The following FMN1 variants were observed in gnomAD, a reference collection of about 807,000 sequenced individuals.
FMN1 encodes the protein formin-1.
FMN1 carries 110 observed loss-of-function variants against 132.4 expected under a neutral mutation model. The observed-to-expected ratio is 0.83, with a 90% CI of 0.71 to 0.97. The LOEUF (loss-of-function observed/expected upper bound fraction) is 0.97. Ranked by LOEUF, FMN1 falls within the 50% of genes least tolerant of loss-of-function variation. The pLI, the probability that FMN1 is intolerant of heterozygous loss-of-function variation, is 0.00. For missense variants in FMN1, 1,792 were observed against 1,705.3 expected (o/e 1.05, Z -0.90); for synonymous variants, 722 against 651.7 (o/e 1.11, Z -1.64).
At chr15:33,128,594 C>A (rs12439352) in intron 4 of FMN1, among the ~76,000 whole-genome samples, 45,943 of 152,204 alleles carry the variant, frequency 0.3, 8,529 homozygotes, top group South Asian at 0.4. Flanking sequence ...GGTCTAACTT[C>A]ACAAACATAC....
chr15:33,077,512 C>G (rs1012330740), intron 5 of FMN1, among the ~76,000 whole-genome samples: 1 of 151,842 alleles, frequency 6.6e-6, no homozygotes, highest in Admixed American at 6.6e-5. Context: ...TATCCCTCCC[C>G]CTTCCCCTGA....
At chr15:32,780,345 C>G (rs1326706878) in intron 19 of FMN1, among the ~76,000 whole-genome samples, 1 of 152,154 alleles carries the variant, frequency 6.6e-6, no homozygotes, top group East Asian at 1.9e-4. Context: ...TCTCCAAAAC[C>G]AAGATGGCCA....
At chr15:33,075,422 A>C (rs1408405166) in intron 5 of FMN1, among the ~76,000 whole-genome samples, 2 of 152,180 alleles carry the variant, frequency 1.3e-5, no homozygotes, top group Non-Finnish European at 2.9e-5. Context: ...ACTACATACA[A>C]CACACCTCCG....
At chr15:33,013,603 A>G (rs112198677) in intron 6 of FMN1, among the ~76,000 whole-genome samples, 2,152 of 152,326 alleles carry the variant, frequency 0.014, 57 homozygotes, top group African/African-American at 0.049. Flanking sequence ...AAATGAAAGA[A>G]AAAATACTTC....
intron 6 of FMN1, among the ~76,000 whole-genome samples, chr15:33,061,271 A>G (rs751610556): frequency 1.3e-5 from 2 of 152,212 alleles, no homozygotes; most frequent in Non-Finnish European, 2.9e-5. Flanking sequence ...GGAGAAAATC[A>G]CCTGCAATAA....
intron 9 of FMN1, among the ~76,000 whole-genome samples, chr15:32,950,054 CATATATATATATAT>C (rs1226548479): frequency 2.0e-4 from 1 of 4,914 alleles, no homozygotes; most frequent in African/African-American, 4.2e-4. Flanking sequence ...TATATATACA[CATATATATATATAT>C]ATATATATAT....
At chr15:33,169,507 T>C (rs750377113) in intron 3 of FMN1, among the ~76,000 whole-genome samples, 65 of 152,164 alleles carry the variant, frequency 4.3e-4, no homozygotes, top group Non-Finnish European at 7.5e-4. Context: ...AGATTCCTAA[T>C]GGGAAGAAGG....
At chr15:32,945,969 CACTCT>C (rs1447183466) in intron 9 of FMN1, among the ~76,000 whole-genome samples, 14 of 151,984 alleles carry the variant, frequency 9.2e-5, no homozygotes, top group African/African-American at 3.4e-4. Context: ...CAAGTCACTC[CACTCT>C]GTTAATTTTC....
At chr15:33,100,929 TTCAC>T (rs2039269380) in intron 4 of FMN1, among the ~76,000 whole-genome samples, 1 of 152,196 alleles carries the variant, frequency 6.6e-6, no homozygotes, top group South Asian at 2.1e-4. Context: ...TAAGAAAATG[TTCAC>T]AATATGACAT....
intron 7 of FMN1, among the ~76,000 whole-genome samples, chr15:32,985,635 C>T (rs2033016704): frequency 6.6e-6 from 1 of 152,154 alleles, no homozygotes; most frequent in African/African-American, 2.4e-5. Context: ...AATTATTCCT[C>T]AGCCAGGTCA....
At chr15:33,128,784 T>C (rs1056860776) in intron 4 of FMN1, among the ~76,000 whole-genome samples, 21 of 152,202 alleles carry the variant, frequency 1.4e-4, no homozygotes, top group Admixed American at 5.9e-4. Context: ...ACCCAAACGG[T>C]GAGCAGCAGC....
rs370302529 is a variant in FMN1, at chr15:33,157,746, C to T, written c.-131-2701G>A. 7.2e-5 allele frequency among the ~76,000 whole-genome samples: 11 copies of T among 152,176 alleles called. No individual in the cohort carries two copies. In the South Asian group the frequency reaches 1.0e-3, roughly 14 times the overall value. On this transcript the variant is annotated intron_variant, in intron 3 of 20. Coordinates refer to ENST00000616417, the MANE Select transcript of FMN1 (RefSeq NM_001277313.2). ...GCAGCTCACCCCTGTAATCCCAGCACGTTGGGAGGCCAAGGCGGGAGGTTG... is the reference window on the plus strand; with the variant it reads ...GCAGCTCACCCCTGTAATCCCAGCATGTTGGGAGGCCAAGGCGGGAGGTTG...
chr15:32,925,174 C>T (rs1017646358), intron 10 of FMN1, among the ~76,000 whole-genome samples: 9 of 152,082 alleles, frequency 5.9e-5, no homozygotes, highest in Non-Finnish European at 7.4e-5. Context: ...GAAACAATGA[C>T]GTAACCAAAT....
At chr15:32,980,765 A>G (rs2032587911) in intron 7 of FMN1, among the ~76,000 whole-genome samples, 1 of 152,084 alleles carries the variant, frequency 6.6e-6, no homozygotes, top group African/African-American at 2.4e-5. Context: ...ACTCATGCAT[A>G]TACACTTTGG....
chr15:32,895,490 G>T (rs1264801695), intron 15 of FMN1, among the ~76,000 whole-genome samples: 1 of 152,084 alleles, frequency 6.6e-6, no homozygotes, highest in Non-Finnish European at 1.5e-5. Context: ...ATCTTTATGT[G>T]AATTTTTTAA....
chr15:33,110,456 G>T (rs1322812540), intron 4 of FMN1, among the ~76,000 whole-genome samples: 2 of 151,430 alleles, frequency 1.3e-5, no homozygotes, highest in Non-Finnish European at 2.9e-5. Flanking sequence ...GGTGATAATG[G>T]AAGGTTTTTT....
intron 6 of FMN1, among the ~76,000 whole-genome samples, chr15:33,011,037 A>C (rs2034690491): frequency 6.6e-6 from 1 of 152,182 alleles, no homozygotes; most frequent in Non-Finnish European, 1.5e-5. Flanking sequence ...GAATATAAGG[A>C]GCCCATTCTA....
chr15:33,128,699 C>T (rs1411420350), intron 4 of FMN1, among the ~76,000 whole-genome samples: 3 of 152,302 alleles, frequency 2.0e-5, no homozygotes, highest in East Asian at 1.9e-4. Context: ...CGAATAAACC[C>T]GCGGACCCTC....
chr15:33,110,228 A>G (rs184204477), intron 4 of FMN1, among the ~76,000 whole-genome samples: 1 of 152,218 alleles, frequency 6.6e-6, no homozygotes, highest in East Asian at 1.9e-4. Flanking sequence ...ATAAGCAAGT[A>G]AAGTGTCCAG....
Sources: allele counts gnomAD v4.1 joint callset (sites outside exome capture counted in the v4.1 genomes callset), GRCh38; gene constraint gnomAD v4.1.1; transcripts MANE v1.5; gene names NCBI Gene and HGNC (gene_info 2026-07-23, HGNC 2026-07-21).